The following FBLN7 variants were observed in gnomAD, a reference collection of about 807,000 sequenced individuals.
FBLN7 encodes fibulin-7.
FBLN7 carries 31 observed loss-of-function variants against 44.0 expected under a neutral mutation model. The observed-to-expected ratio is 0.70, with a 90% CI of 0.53 to 0.95. The LOEUF is 0.95. Among genes scored for constraint, FBLN7 ranks in the 40% least tolerant of loss-of-function variants. FBLN7 has a pLI of 0.00. For missense variants in FBLN7, 573 were observed against 618.5 expected (o/e 0.93, Z 0.78); for synonymous variants, 262 against 253.4 (o/e 1.03, Z -0.32).
At chr2:112,197,191 T>C in the FBLN7 span, among the ~76,000 whole-genome samples, 1 of 145,202 alleles carries the variant, frequency 6.9e-6, no homozygotes, top group African/African-American at 2.6e-5. Context: ...ATGTAATTAG[T>C]TAAGATGGAA....
intron 7 of FBLN7, among the ~76,000 whole-genome samples, chr2:112,186,479 A>C (rs1360210254): frequency 6.6e-6 from 1 of 152,096 alleles, no homozygotes; most frequent in Non-Finnish European, 1.5e-5. Context: ...GTCTCTACTA[A>C]AAATACAAAA....
chr2:112,172,487 C>T (rs10191773), intron 3 of FBLN7, among the ~76,000 whole-genome samples: 42,806 of 151,882 alleles, frequency 0.28, 6,841 homozygotes, highest in African/African-American at 0.43. Flanking sequence ...TATTGTGCTA[C>T]TATATTTGTC....
chr2:112,218,914 G>A, the FBLN7 span, among the ~76,000 whole-genome samples: 1 of 152,136 alleles, frequency 6.6e-6, no homozygotes, highest in African/African-American at 2.4e-5. Context: ...TGAGACTTGT[G>A]TAACAGAAAC....
At chr2:112,197,234 AACACAC>A in the FBLN7 span, among the ~76,000 whole-genome samples, 124 of 89,366 alleles carry the variant, frequency 1.4e-3, no homozygotes, top group East Asian at 7.4e-3. Context: ...CGTAAGAGAA[AACACAC>A]ACACACACAC....
rs190602398 is a variant in FBLN7 at position 112,180,902 on chromosome 2, G to A, written c.533-837G>A. On this transcript the variant is annotated intron_variant, in intron 4 of 7. Transcript: ENST00000331203. ...CGTGCCACTGCACTCCAGCCTGGGC[G>A]ACAGAGTGAGACTCTGTCTCAAAAA... Among the ~76,000 whole-genome samples the A allele has an allele frequency of 6.7e-3, 829 of 124,656 alleles. 5 individuals carry two copies. Among genetic ancestry groups the A allele is most frequent in the South Asian group, 0.02 (80 of 3,940 alleles). The allele number at this position is 124,656 out of a possible 152,430, so 81.8% of individuals were successfully genotyped here. A position where few individuals can be genotyped will look rare whatever the true frequency, so the allele number is the denominator to read the frequency against.
At chr2:112,175,572 G>A in intron 3 of FBLN7, 142 bp from the exon 4 acceptor site, 1 of 1,055,290 alleles carries the variant, frequency 9.5e-7, no homozygotes, top group Non-Finnish European at 1.4e-6. Context: ...GGTGGAGAGG[G>A]TGGAAAGAGT....
chr2:112,159,190 A>AG (rs1279909189), intron 1 of FBLN7, among the ~76,000 whole-genome samples: 6 of 115,632 alleles, frequency 5.2e-5, no homozygotes, highest in Non-Finnish European at 7.8e-5. Context: ...AACTCTAGTG[A>AG]GTTTTTTTTT....
chr2:112,231,409 C>T, the FBLN7 span, among the ~76,000 whole-genome samples: 1 of 152,142 alleles, frequency 6.6e-6, no homozygotes, highest in Non-Finnish European at 1.5e-5. Flanking sequence ...AACCTTTTCT[C>T]ACAGACTGAA....
At chr2:112,155,485 C>T (rs184907425) in intron 1 of FBLN7, among the ~76,000 whole-genome samples, 3 of 152,360 alleles carry the variant, frequency 2.0e-5, no homozygotes, top group East Asian at 1.9e-4. Flanking sequence ...CCTTGTACCA[C>T]GCTCTGTTTC....
intron 3 of FBLN7, among the ~76,000 whole-genome samples, chr2:112,174,865 A>T (rs1004286025): frequency 6.6e-6 from 1 of 152,166 alleles, no homozygotes; most frequent in African/African-American, 2.4e-5. Context: ...ACATACCACC[A>T]TGCCCAGCTA....
chr2:112,199,824 G>A, the FBLN7 span, among the ~76,000 whole-genome samples: 2 of 152,128 alleles, frequency 1.3e-5, no homozygotes, highest in East Asian at 1.9e-4. Flanking sequence ...GAGTGGGTTC[G>A]TTATTGAGGG....
chr2:112,187,837 G>T lies in FBLN7; in HGVS notation c.*331G>T. 2.2e-6 allele frequency: 1 copy of T among 452,874 alleles called. No individual in the cohort carries two copies. The highest frequency in any genetic ancestry group is 5.7e-4 in the Middle Eastern group (1 of 1,752). The allele number at this position is 452,874 out of a possible 1,614,324, so 28.1% of individuals were successfully genotyped here. On this transcript the variant is annotated 3_prime_UTR_variant, in exon 8 of 8. Coordinates refer to ENST00000331203, the MANE Select transcript of FBLN7 (RefSeq NM_153214.3). The surrounding 1 kb of genome is among the most constrained non-coding windows in gnomAD (Gnocchi z 5.1). ...GCCTTGTGAGTTTGAACTAGCTGGG[G>T]AGAGAAAAGGTGGCAATGTGTGTCA...
At chr2:112,151,834 G>A (rs755363017) in intron 1 of FBLN7, 5 of 152,136 alleles carry the variant, frequency 3.3e-5, no homozygotes, top group Non-Finnish European at 1.5e-5. Context: ...TTGGGCATTG[G>A]GGACCTCAGA....
chr2:112,238,295 T>G, the FBLN7 span: 1 of 1,606,854 alleles, frequency 6.2e-7, no homozygotes, highest in Non-Finnish European at 8.5e-7. Context: ...CTTTAAATGA[T>G]AAAATAGTTT....
At chr2:112,144,194 C>T (rs1297651882) in intron 1 of FBLN7, among the ~76,000 whole-genome samples, 10 of 152,172 alleles carry the variant, frequency 6.6e-5, no homozygotes, top group South Asian at 2.1e-4. Context: ...ATATTAACAT[C>T]GCTCTGGAAC....
intron 1 of FBLN7, among the ~76,000 whole-genome samples, chr2:112,141,023 G>A (rs1268392590): frequency 6.6e-6 from 1 of 152,174 alleles, no homozygotes; most frequent in Non-Finnish European, 1.5e-5. Flanking sequence ...TGCCGAGTCC[G>A]GGACCCACAT....
At chr2:112,210,104 T>C in the FBLN7 span, among the ~76,000 whole-genome samples, 2 of 149,086 alleles carry the variant, frequency 1.3e-5, no homozygotes, top group Admixed American at 6.7e-5. Flanking sequence ...AGATTGGTGA[T>C]GGCAATCTGA....
rs770949488 is a variant in FBLN7 at position 112,165,046 on chromosome 2, G to C, written c.281G>C (p.Gly94Ala). 2 of 1,614,142 alleles carry C rather than the reference G, an allele frequency of 1.2e-6. No homozygotes were observed. Among genetic ancestry groups the C allele is most frequent in the Middle Eastern group, 1.6e-4 (1 of 6,062 alleles). Reference protein sequence around the residue: ...LNTPADGRKFGSKYLVDHEVH... With the variant: ...LNTPADGRKFASKYLVDHEVH... ...ACCCCCGCAGACGGCAGAAAGTTTGGAAGCAAGTACTTAGTGGATCACGAA... is the reference window on the plus strand; with the variant it reads ...ACCCCCGCAGACGGCAGAAAGTTTGCAAGCAAGTACTTAGTGGATCACGAA... The change falls in exon 3 of 8, where the codon GGA becomes GCA. Residue 94 changes from glycine (G) to alanine (A), a missense_variant. Physicochemically the swap from Gly to Ala is moderately conservative, Grantham distance 60. Transcript: ENST00000331203.
intron 3 of FBLN7, among the ~76,000 whole-genome samples, chr2:112,171,768 C>T (rs1193959515): frequency 6.6e-6 from 1 of 152,158 alleles, no homozygotes; most frequent in East Asian, 1.9e-4. Context: ...GATTAGGAAG[C>T]ACTTCCTCCT....
Sources: gnomAD v4.1 joint callset for allele counts (sites outside exome capture counted in the v4.1 genomes callset) on GRCh38, gnomAD v4.1.1 for gene constraint, Gnocchi (gnomAD v3.1) non-coding constraint, MANE v1.5 for transcripts, NCBI Gene and HGNC (gene_info 2026-07-23, HGNC 2026-07-21) for gene names.